The following CCDC192 variants were observed in gnomAD, a reference collection of about 807,000 sequenced individuals.
CCDC192 encodes coiled-coil domain containing 192.
chr5:127,868,720 C>G (rs942560195), intron 5 of CCDC192, among the ~76,000 whole-genome samples: 1 of 151,856 alleles, frequency 6.6e-6, no homozygotes, highest in African/African-American at 2.4e-5. Flanking sequence ...CCAGTCTCTA[C>G]CAAAAAATAC....
chr5:127,775,236 C>G (rs1199445893), intron 3 of CCDC192, among the ~76,000 whole-genome samples: 1 of 152,154 alleles, frequency 6.6e-6, no homozygotes, highest in East Asian at 1.9e-4. Context: ...AGCCCACACC[C>G]CCATTACCTC....
chr5:127,731,820 C>T (rs1468805366), intron 2 of CCDC192, among the ~76,000 whole-genome samples: 2 of 152,158 alleles, frequency 1.3e-5, no homozygotes, highest in African/African-American at 2.4e-5. Context: ...AAAATTGAAA[C>T]TGGTTGCCTT....
At chr5:127,888,481 T>C (rs1007391339) in intron 6 of CCDC192, among the ~76,000 whole-genome samples, 2 of 151,974 alleles carry the variant, frequency 1.3e-5, no homozygotes, top group Non-Finnish European at 2.9e-5. Context: ...TTTACATTCA[T>C]ACTCAAAGAT....
At chr5:127,904,236 CA>C in intron 6 of CCDC192, among the ~76,000 whole-genome samples, 1 of 152,102 alleles carries the variant, frequency 6.6e-6, no homozygotes. Flanking sequence ...CTAAAGCTTC[CA>C]AAAAGAAGAC....
intron 6 of CCDC192, among the ~76,000 whole-genome samples, chr5:127,932,532 G>C (rs1238658380): frequency 6.6e-6 from 1 of 152,110 alleles, no homozygotes; most frequent in Admixed American, 6.5e-5. Flanking sequence ...ATGCAGTAGT[G>C]AAAGCATTAT....
At chr5:127,846,803 C>T (rs1750564968) in intron 5 of CCDC192, among the ~76,000 whole-genome samples, 1 of 112,690 alleles carries the variant, frequency 8.9e-6, no homozygotes, top group South Asian at 3.1e-4. Context: ...TGTTTCCATT[C>T]ACCTAGTCAA....
At chr5:127,768,630 T>C (rs1755370062) in intron 3 of CCDC192, among the ~76,000 whole-genome samples, 1 of 152,198 alleles carries the variant, frequency 6.6e-6, no homozygotes, top group Admixed American at 6.5e-5. Context: ...TACAAGAGAT[T>C]ATTATGCTTC....
At chr5:127,780,645 C>G (rs1211279804) in intron 3 of CCDC192, among the ~76,000 whole-genome samples, 6 of 152,094 alleles carry the variant, frequency 3.9e-5, no homozygotes, top group Admixed American at 3.3e-4. Flanking sequence ...CTATTCATGT[C>G]TGTAGCCCAC....
chr5:127,919,088 T>TGC (rs1013310212), intron 6 of CCDC192, among the ~76,000 whole-genome samples: 1 of 151,786 alleles, frequency 6.6e-6, no homozygotes, highest in African/African-American at 2.4e-5. Flanking sequence ...TGTGTGTGTG[T>TGC]GTGTGTGTGT....
chr5:127,877,966 GC>G (rs1310348828), intron 6 of CCDC192, among the ~76,000 whole-genome samples: 1 of 152,216 alleles, frequency 6.6e-6, no homozygotes, highest in Admixed American at 6.5e-5. Flanking sequence ...CATTGCACTA[GC>G]CTTGGAGTAA....
chr5:127,749,603 G>C lies in CCDC192; in HGVS notation c.115-4665G>C, dbSNP rs1300800140. On this transcript the variant is annotated intron_variant, in intron 2 of 6. Coordinates refer to ENST00000514853, the MANE Select transcript of CCDC192 (RefSeq NM_001317938.2). ...TTTGGTTGTGTCTCTGCCCGGCTTT[G>C]GTATCAGAATGATGCTGGCCTCATA... Among the ~76,000 whole-genome samples the C allele has an allele frequency of 1.2e-4, 18 of 151,938 alleles. No homozygotes were observed. In the East Asian group the frequency reaches 3.1e-3, roughly 26 times the overall value.
chr5:127,740,306 G>C (rs1753336834), intron 2 of CCDC192: 1 of 152,206 alleles, frequency 6.6e-6, no homozygotes, highest in South Asian at 2.1e-4. Context: ...CTTAAAAGAA[G>C]TGGAAATTCA....
intron 5 of CCDC192, among the ~76,000 whole-genome samples, chr5:127,806,233 C>T (rs1027962242): frequency 6.6e-5 from 10 of 152,196 alleles, no homozygotes; most frequent in African/African-American, 2.4e-4. Context: ...TGAGGACACA[C>T]TGAGGGACAG....
intron 2 of CCDC192, among the ~76,000 whole-genome samples, chr5:127,710,650 C>A (rs1751271700): frequency 6.6e-6 from 1 of 152,122 alleles, no homozygotes; most frequent in Non-Finnish European, 1.5e-5. Flanking sequence ...GGCGTAGTAG[C>A]AGGTGATTGA....
intron 5 of CCDC192, among the ~76,000 whole-genome samples, chr5:127,817,119 G>A (rs1229451303): frequency 1.3e-5 from 2 of 152,042 alleles, no homozygotes; most frequent in Admixed American, 6.6e-5. Flanking sequence ...CCTATTACCG[G>A]GTGCAATGTC....
intron 3 of CCDC192, among the ~76,000 whole-genome samples, chr5:127,766,500 G>C (rs1163091724): frequency 6.6e-6 from 1 of 150,888 alleles, no homozygotes; most frequent in African/African-American, 2.4e-5. Context: ...TTAATTTCAG[G>C]CCATGGGACT....
chr5:127,910,065 AT>A (rs1477703887), intron 6 of CCDC192, among the ~76,000 whole-genome samples: 6 of 152,270 alleles, frequency 3.9e-5, no homozygotes, highest in African/African-American at 4.8e-5. Context: ...CCAAGTGCCT[AT>A]AAGAAGATGA....
chr5:127,926,615 T>TA (rs769427243), intron 6 of CCDC192, among the ~76,000 whole-genome samples: 1 of 151,724 alleles, frequency 6.6e-6, no homozygotes, highest in African/African-American at 2.4e-5. Context: ...AGCATGGGGG[T>TA]AAAGGAGAAA....
At chr5:127,804,191 A>T (rs1757658880) in intron 5 of CCDC192, among the ~76,000 whole-genome samples, 1 of 152,172 alleles carries the variant, frequency 6.6e-6, no homozygotes, top group South Asian at 2.1e-4. Context: ...TTCTTACCAT[A>T]ACAGAGGACA....
Sources: allele counts gnomAD v4.1 joint callset (sites outside exome capture counted in the v4.1 genomes callset), GRCh38; gene constraint gnomAD v4.1.1; transcripts MANE v1.5; gene names NCBI Gene and HGNC (gene_info 2026-07-23, HGNC 2026-07-21).